MTARC1: variants seen among roughly 807,000 people sequenced by gnomAD.
The protein encoded by MTARC1 is mitochondrial amidoxime reducing component 1, also known as mitochondrial amidoxime-reducing component 1.
Under a neutral mutation model 33.6 loss-of-function variants are expected in MTARC1, and 24 were observed. That is an observed-to-expected ratio of 0.72 (90% CI 0.52 to 1.01). The LOEUF is 1.01. Ranked by LOEUF, MTARC1 falls within the 50% of genes least tolerant of loss-of-function variation. MTARC1 has a pLI of 0.00. For synonymous variants in MTARC1, 187 were observed against 189.5 expected (o/e 0.99, Z 0.11); for missense variants, 417 against 445.7 (o/e 0.94, Z 0.58).
intron 4 of MTARC1, among the ~76,000 whole-genome samples, chr1:220,802,801 C>A (rs567539078): frequency 1.3e-5 from 2 of 152,222 alleles, no homozygotes; most frequent in South Asian, 2.1e-4. Context: ...CCAGATCCTA[C>A]GTTTGTTACT....
At chr1:220,810,276 C>T (rs1472940535) in intron 6 of MTARC1, among the ~76,000 whole-genome samples, 2 of 152,148 alleles carry the variant, frequency 1.3e-5, no homozygotes, top group Non-Finnish European at 2.9e-5. Flanking sequence ...AGTGTGCGCA[C>T]GAATTCATAG....
chr1:220,804,305 C>T (rs981273309), intron 4 of MTARC1, among the ~76,000 whole-genome samples: 17 of 152,186 alleles, frequency 1.1e-4, no homozygotes, highest in African/African-American at 4.1e-4. Context: ...TAAGCATTGC[C>T]AGCACAGTTA....
chr1:220,807,943 G>A (rs910142661), intron 6 of MTARC1, among the ~76,000 whole-genome samples: 1 of 152,080 alleles, frequency 6.6e-6, no homozygotes, highest in East Asian at 1.9e-4. Context: ...CGACTGCTGT[G>A]CTCCTACCCC....
intron 4 of MTARC1, chr1:220,798,960 C>T (rs1672704365): frequency 1.0e-6 from 1 of 985,398 alleles, no homozygotes; most frequent in Non-Finnish European, 1.2e-6. Context: ...TTGATTCCCA[C>T]ATTCAAACCA....
intron 6 of MTARC1, among the ~76,000 whole-genome samples, chr1:220,812,914 T>C (rs1303154445): frequency 2.0e-5 from 3 of 151,884 alleles, no homozygotes; most frequent in Admixed American, 1.3e-4. Context: ...TTAGTAGAGA[T>C]GAGGTTTCAC....
At chr1:220,804,217 G>A (rs1191155140) in intron 4 of MTARC1, among the ~76,000 whole-genome samples, 1 of 152,024 alleles carries the variant, frequency 6.6e-6, no homozygotes, top group Non-Finnish European at 1.5e-5. Flanking sequence ...TTTAGACTCA[G>A]CACCCATCTT....
chr1:220,789,461 A>T (rs1402076453), intron 1 of MTARC1, among the ~76,000 whole-genome samples: 3 of 89,156 alleles, frequency 3.4e-5, no homozygotes, highest in East Asian at 4.1e-4. Context: ...AAACAAAAAA[A>T]ATCTCATAAT....
chr1:220,787,054 C>A lies in MTARC1; in HGVS notation c.110C>A (p.Ala37Asp). The A allele has an allele frequency of 7.0e-7, 1 of 1,422,792 alleles. No homozygotes were observed. Among genetic ancestry groups the A allele is most frequent in the East Asian group, 3.0e-5 (1 of 33,320 alleles). The allele number at this position is 1,422,792 out of a possible 1,614,324, so 88.1% of individuals were successfully genotyped here. ...ALGLTAVALGAVAWRRAWPTR... is the reference protein window; with the variant it reads ...ALGLTAVALGDVAWRRAWPTR... ...GGCCTGACCGCGGTGGCGCTGGGGG[C>A]TGTCGCCTGGCGCCGCGCATGGCCC... Residue 37 changes from alanine to aspartate, a missense_variant, in exon 1 of 7, where the codon GCT becomes GAT. Transcript: ENST00000366910.
intron 4 of MTARC1, chr1:220,798,749 T>A: frequency 1.2e-6 from 1 of 811,754 alleles, no homozygotes; most frequent in Admixed American, 6.1e-5. Context: ...GAGCTCTGGT[T>A]GTGCCTCAAA....
At chr1:220,788,759 C>T (rs1235954578) in intron 1 of MTARC1, among the ~76,000 whole-genome samples, 2 of 149,432 alleles carry the variant, frequency 1.3e-5, no homozygotes, top group African/African-American at 4.9e-5. Context: ...GATCTCGCCA[C>T]TGCACTCCAG....
In MTARC1 at chr1:220,787,171, A is replaced by T. The variant is rs751207575; in HGVS notation, c.227A>T (p.Glu76Val). 1.7e-4 allele frequency: 269 copies of T among 1,580,026 alleles called. 1 individual carries two copies. The highest frequency in any genetic ancestry group is 2.2e-4 in the Non-Finnish European group (261 of 1,163,890). The change falls in exon 1 of 7, where the codon GAG (glutamate) becomes GTG (valine). Residue 76 changes from glutamate (E) to valine (V), a missense_variant. Transcript: ENST00000366910. ...VKSCKGVPVSEAECTAMGLRS... is the reference protein window; with the variant it reads ...VKSCKGVPVSVAECTAMGLRS... ...TCCTGCAAGGGGGTGCCGGTGAGCG[A>T]GGCGGAGTGCACGGCCATGGGGCTG...
intron 6 of MTARC1, among the ~76,000 whole-genome samples, chr1:220,806,216 C>T (rs1672967219): frequency 6.6e-6 from 1 of 152,194 alleles, no homozygotes; most frequent in African/African-American, 2.4e-5. Flanking sequence ...TGCTGAAACT[C>T]TGAAAATGAA....
chr1:220,804,736 A>G (rs944228204), intron 4 of MTARC1, among the ~76,000 whole-genome samples: 6 of 46,716 alleles, frequency 1.3e-4, no homozygotes, highest in African/African-American at 4.2e-4. Context: ...CACTTTGTGC[A>G]CCCCACCCCC....
In MTARC1 at chr1:220,806,567, G is replaced by A. The variant is rs139144909; in HGVS notation, c.887+1293G>A. Among the ~76,000 whole-genome samples, 953 of 152,278 alleles carry A rather than the reference G, an allele frequency of 6.3e-3. 8 individuals are homozygous for A. Among genetic ancestry groups the A allele is most frequent in the Non-Finnish European group, 9.8e-3 (668 of 68,030 alleles). ...TCCTTCCACCTCTCACCAACCTCATGGCCTTTTTGGGGGCCAATGATTCAG... is the reference window on the plus strand; with the variant it reads ...TCCTTCCACCTCTCACCAACCTCATAGCCTTTTTGGGGGCCAATGATTCAG... On this transcript the variant is annotated intron_variant, in intron 6 of 6. Coordinates refer to ENST00000366910, the MANE Select transcript of MTARC1 (RefSeq NM_022746.4).
chr1:220,798,466 A>G (rs1672690175), intron 4 of MTARC1: 2 of 985,300 alleles, frequency 2.0e-6, no homozygotes, highest in Non-Finnish European at 2.4e-6. Context: ...CCTAAGCTTC[A>G]TGGCACTACC....
chr1:220,811,088 T>G (rs1466675442), intron 6 of MTARC1, among the ~76,000 whole-genome samples: 1 of 152,166 alleles, frequency 6.6e-6, no homozygotes, highest in South Asian at 2.1e-4. Context: ...CTGCAGAGCT[T>G]GGCAGCAACG....
At chr1:220,788,797 C>CAA (rs34563265) in intron 1 of MTARC1, among the ~76,000 whole-genome samples, 2,205 of 140,046 alleles carry the variant, frequency 0.016, 29 homozygotes, top group Middle Eastern at 0.04. Flanking sequence ...GACTAAGTCT[C>CAA]AAAAAAAAAA....
chr1:220,788,417 A>T (rs2102581955), intron 1 of MTARC1, among the ~76,000 whole-genome samples: 1 of 152,312 alleles, frequency 6.6e-6, no homozygotes, highest in Non-Finnish European at 1.5e-5. Context: ...CCCCAGACAG[A>T]GGGCAATTCA....
chr1:220,788,011 AAAAG>A (rs1013198565), intron 1 of MTARC1, among the ~76,000 whole-genome samples: 2 of 151,924 alleles, frequency 1.3e-5, no homozygotes, highest in African/African-American at 2.4e-5. Context: ...CCGAATCAAA[AAAAG>A]AAAGAAAGAA....
Sources: allele counts gnomAD v4.1 joint callset (sites outside exome capture counted in the v4.1 genomes callset), GRCh38; gene constraint gnomAD v4.1.1; transcripts MANE v1.5; gene names NCBI Gene and HGNC (gene_info 2026-07-23, HGNC 2026-07-21).